The following GRAMD4 variants were observed in gnomAD, a reference collection of about 807,000 sequenced individuals.
GRAMD4 encodes the protein GRAM domain-containing protein 4.
GRAMD4 carries 25 observed loss-of-function variants against 83.9 expected under a neutral mutation model. That is an observed-to-expected ratio of 0.30 (90% confidence interval 0.22 to 0.42). The LOEUF (loss-of-function observed/expected upper bound fraction) is 0.42, where lower values mean the gene tolerates loss of function less well. Ranked by LOEUF, GRAMD4 falls within the 10% of genes least tolerant of loss-of-function variation. The probability of loss-of-function intolerance (pLI) is 1.00; values close to 1 mark genes in which losing one functional copy is unlikely to be tolerated. For missense variants in GRAMD4, 593 were observed against 788.7 expected (o/e 0.75, Z 2.97); for synonymous variants, 336 against 320.9 (o/e 1.05, Z -0.50).
At chr22:46,663,603 G>A (rs773369945) in intron 6 of GRAMD4, among the ~76,000 whole-genome samples, 10 of 152,226 alleles carry the variant, frequency 6.6e-5, no homozygotes, top group Non-Finnish European at 1.5e-4. Context: ...ATGAGGGGAC[G>A]ATTTCATTGG....
chr22:46,578,700 CTGT>C lies in GRAMD4; in HGVS notation c.-50+1415_-50+1417del, dbSNP rs1185583721. ...CGTGCTGGGGTGAAACCACGTTCCCCTGTTGTTAGCTGGGACTCCCCAGATGAG... is the reference window on the plus strand; with the variant it reads ...CGTGCTGGGGTGAAACCACGTTCCCCTGTTAGCTGGGACTCCCCAGATGAG... On this transcript the variant is annotated intron_variant, in intron 1 of 1. Coordinates refer to the GRAMD4 transcript ENST00000431155. Among the ~76,000 whole-genome samples the C allele has an allele frequency of 2.0e-5, 3 of 152,316 alleles. No individual in the cohort carries two copies. In the East Asian group the frequency reaches 5.8e-4, roughly 29 times the overall value.
intron 1 of GRAMD4, among the ~76,000 whole-genome samples, chr22:46,605,250 G>A (rs925081423): frequency 1.3e-5 from 2 of 152,230 alleles, no homozygotes; most frequent in South Asian, 2.1e-4. Flanking sequence ...AATATTCTCC[G>A]GGTTCACCCA....
intron 3 of GRAMD4, among the ~76,000 whole-genome samples, chr22:46,656,618 C>T (rs1307385675): frequency 6.6e-6 from 1 of 152,214 alleles, no homozygotes. Flanking sequence ...CCACCCTACC[C>T]AGAAAGAAAC....
At chr22:46,673,874 G>T (rs149575996) in intron 15 of GRAMD4, 60 bp downstream of exon 15, 21 of 1,579,064 alleles carry the variant, frequency 1.3e-5, no homozygotes, top group Admixed American at 5.0e-5. Context: ...AGGCCCGTGA[G>T]GGGGGCGCTG....
In GRAMD4 at chr22:46,659,294, C is replaced by A. The variant is rs1330029552; in HGVS notation, c.404+987C>A. ...TTTCTGCCCAGCCTCCCCCCAGCAT[C>A]ATCTTCAGCCTCCGTCCTCAGACTC... is the stretch of plus-strand genomic sequence containing the variant. On this transcript the variant is annotated intron_variant, in intron 4 of 18. Coordinates refer to ENST00000406902, the MANE Select transcript of GRAMD4 (RefSeq NM_015124.5). The surrounding 1 kb of genome is among the most constrained non-coding windows in gnomAD (Gnocchi z 4.1). Among the ~76,000 whole-genome samples the A allele has an allele frequency of 2.0e-5, 3 of 151,924 alleles. No individual in the cohort carries two copies. The highest frequency in any genetic ancestry group is 6.6e-5 in the Admixed American group (1 of 15,242).
At chr22:46,666,168 G>C (rs1219927729) in intron 9 of GRAMD4, among the ~76,000 whole-genome samples, 1 of 152,200 alleles carries the variant, frequency 6.6e-6, no homozygotes, top group African/African-American at 2.4e-5. Context: ...CCTGGCCTGA[G>C]TCAGGGCTCT....
chr22:46,679,359 G>T lies in GRAMD4; in HGVS notation c.*2108G>T. 1.0e-6 allele frequency: 1 copy of T among 984,974 alleles called. No homozygotes were observed. Among genetic ancestry groups the T allele is most frequent in the African/African-American group, 1.8e-5 (1 of 57,044 alleles). The allele number at this position is 984,974 out of a possible 1,614,324, so 61.0% of individuals were successfully genotyped here. On this transcript the variant is annotated 3_prime_UTR_variant, in exon 19 of 19. Coordinates refer to ENST00000406902, the MANE Select transcript of GRAMD4 (RefSeq NM_015124.5). ...GTGCCAGGTGTGGCCGAAGCCCCCA[G>T]GGAGGGCCACATTCGGGGAGCGGGG...
At chr22:46,680,585 TC>T (rs2082657691), downstream of GRAMD4, among the ~76,000 whole-genome samples, 1 of 136,044 alleles carries the variant, frequency 7.4e-6, no homozygotes. Context: ...CATCCATCCA[TC>T]CATCCATCCA....
At chr22:46,576,945 G>C (rs1427575084), upstream of GRAMD4, among the ~76,000 whole-genome samples, 2 of 145,662 alleles carry the variant, frequency 1.4e-5, no homozygotes, top group African/African-American at 4.9e-5. Context: ...GGCGCACGCG[G>C]ACCCGCCAGG....
chr22:46,641,584 C>T (rs2081976140), intron 3 of GRAMD4, among the ~76,000 whole-genome samples: 1 of 152,196 alleles, frequency 6.6e-6, no homozygotes, highest in Non-Finnish European at 1.5e-5. Context: ...ACCAGGTCAC[C>T]TGCTGGACAG....
intron 10 of GRAMD4, among the ~76,000 whole-genome samples, chr22:46,667,246 A>G (rs2082424101): frequency 2.0e-5 from 3 of 152,178 alleles, no homozygotes; most frequent in Admixed American, 2.0e-4. Flanking sequence ...ACCTGTTCCC[A>G]TCTGAGATTC....
rs1304519141 is a variant in GRAMD4 at position 46,622,769 on chromosome 22, T to C, written c.-50+2204T>C. ...TCTACTAAAAATACAAAAAATTAGC[T>C]GGTGTGGTGGCGGGTGCCTGTAGTC... is the stretch of plus-strand genomic sequence containing the variant. On this transcript the variant is annotated intron_variant, in intron 1 of 18. Coordinates refer to ENST00000406902, the MANE Select transcript of GRAMD4 (RefSeq NM_015124.5). The surrounding 1 kb of genome is among the most constrained non-coding windows in gnomAD (Gnocchi z 4.0). Among the ~76,000 whole-genome samples the C allele has an allele frequency of 2.0e-5, 3 of 151,818 alleles. No homozygotes were observed. Among genetic ancestry groups the C allele is most frequent in the East Asian group, 1.9e-4 (1 of 5,170 alleles).
intron 3 of GRAMD4, among the ~76,000 whole-genome samples, chr22:46,648,426 T>A (rs1388504051): frequency 6.8e-6 from 1 of 147,014 alleles, no homozygotes; most frequent in Admixed American, 6.8e-5. Flanking sequence ...GATGGGTGAA[T>A]GGGTGGATGG....
Position 46,672,956 on chromosome 22 carries a change from C to A in GRAMD4, c.1198C>A (p.Pro400Thr). 6.2e-7 allele frequency: 1 copy of A among 1,609,786 alleles called. No homozygotes were observed. ...YIIWRSLPTD[P>T]QLKERSSAAV... Reference sequence around the variant, plus strand: ...CATCTGGAGGAGTCTCCCCACCGACCCGCAGCTCAAGGAGCGCTCCAGCGC... The same window carrying A: ...CATCTGGAGGAGTCTCCCCACCGACACGCAGCTCAAGGAGCGCTCCAGCGC... Residue 400 changes from proline (P) to threonine (T), a missense_variant, in exon 14 of 19, where the codon CCG becomes ACG. Pro to Thr is a conservative substitution (Grantham distance 38, BLOSUM62 -1). This residue lies in a region of GRAMD4 where 171 missense variants were observed against 199.6 expected (regional missense o/e 0.86). Transcript: ENST00000406902. The surrounding 1 kb of genome is among the most constrained non-coding windows in gnomAD (Gnocchi z 4.7).
At chr22:46,638,780 C>G (rs1339678206) in intron 3 of GRAMD4, among the ~76,000 whole-genome samples, 2 of 152,242 alleles carry the variant, frequency 1.3e-5, no homozygotes, top group Non-Finnish European at 2.9e-5. Context: ...GAGCCAGTCA[C>G]TTGTGAACCA....
chr22:46,578,755 C>T (rs2081069379), intron 1 of GRAMD4, among the ~76,000 whole-genome samples: 1 of 152,224 alleles, frequency 6.6e-6, no homozygotes, highest in South Asian at 2.1e-4. Flanking sequence ...GCCCCTCCTT[C>T]CTGCTGCACA....
intron 18 of GRAMD4, 95 bp downstream of exon 18, chr22:46,676,763 GT>G: frequency 8.6e-7 from 1 of 1,163,774 alleles, no homozygotes; most frequent in Non-Finnish European, 1.2e-6. Context: ...GACAGCCAGA[GT>G]TTTAGTTTGG....
chr22:46,674,873 A>G lies in GRAMD4; in HGVS notation c.1478+123A>G, dbSNP rs1417860282. On this transcript the variant is annotated intron_variant, in intron 16 of 18. Coordinates refer to ENST00000406902, the MANE Select transcript of GRAMD4 (RefSeq NM_015124.5). ...CTGAGTGGTGGCCATGGCCTCTCCC[A>G]TGCTCTGCTCTTGCCGGCTGTCTGG... The G allele has an allele frequency of 9.6e-6, 7 of 728,654 alleles. No individual in the cohort carries two copies. In the East Asian group the frequency reaches 1.3e-4, roughly 14 times the overall value. 45.1% of individuals were successfully genotyped at this position (728,654 alleles called of 1,614,324 possible).
downstream of GRAMD4, chr22:46,682,336 G>A (rs1743699257): frequency 1.5e-6 from 1 of 679,200 alleles, no homozygotes; most frequent in South Asian, 6.7e-5. Context: ...GCTGGACCAT[G>A]CACGATTGTA....
Sources: allele counts gnomAD v4.1 joint callset (sites outside exome capture counted in the v4.1 genomes callset), GRCh38; gene constraint gnomAD v4.1.1; regional missense constraint gnomAD v4.1.1; non-coding constraint Gnocchi (gnomAD v3.1); transcripts MANE v1.5; gene names NCBI Gene and HGNC (gene_info 2026-07-23, HGNC 2026-07-21).